Variants in PRDM6 observed in about 807,000 individuals in gnomAD.
PRDM6 encodes putative histone-lysine N-methyltransferase PRDM6.
A neutral mutation model predicts 60.8 loss-of-function variants in PRDM6; 25 were observed. The observed-to-expected ratio is 0.41, with a 90% CI of 0.30 to 0.57. The LOEUF is 0.57. PRDM6 is among the 20% of genes least tolerant of loss of function. The pLI is 0.27. For synonymous variants in PRDM6, 407 were observed against 357.4 expected, an observed-to-expected ratio of 1.14 and a Z score of -1.57; for missense variants, 839 against 821.3, an observed-to-expected ratio of 1.02 and a Z score of -0.26.
chr5:123,176,796 C>T (rs947781529), intron 6 of PRDM6, among the ~76,000 whole-genome samples: 1 of 152,192 alleles, frequency 6.6e-6, no homozygotes, highest in African/African-American at 2.4e-5. Context: ...AAACTCAGCA[C>T]TCAAGAATGT....
In PRDM6 at chr5:123,153,932, G is replaced by A. The variant is rs183460129; in HGVS notation, c.901-1952G>A. 2.2e-3 allele frequency among the ~76,000 whole-genome samples: 335 copies of A among 152,186 alleles called. 1 individual carries two copies. Among genetic ancestry groups the A allele is most frequent in the African/African-American group, 5.8e-3 (240 of 41,516 alleles). ...AATAATTTTCACCAGCAGTCCCTGTGGAAGGTTTATTCTTGAGGGAAGGGA... is the reference window on the plus strand; with the variant it reads ...AATAATTTTCACCAGCAGTCCCTGTAGAAGGTTTATTCTTGAGGGAAGGGA... On this transcript the variant is annotated intron_variant, in intron 3 of 7. Transcript: ENST00000407847.
At chr5:123,149,393 T>A (rs1256399500) in intron 3 of PRDM6, among the ~76,000 whole-genome samples, 1 of 152,172 alleles carries the variant, frequency 6.6e-6, no homozygotes, top group African/African-American at 2.4e-5. Flanking sequence ...AATATGGCAC[T>A]GTAAGTTGGG....
In PRDM6 at chr5:123,090,495, C is replaced by T. The variant is rs1173406341; in HGVS notation, c.481C>T (p.Arg161Cys). 27 of 1,488,956 alleles carry T rather than the reference C, an allele frequency of 1.8e-5. No homozygotes were observed. The highest frequency in any genetic ancestry group is 2.4e-5 in the Non-Finnish European group (27 of 1,128,176). The allele number at this position is 1,488,956 out of a possible 1,614,324, so 92.2% of individuals were successfully genotyped here. The part of the protein sequence containing the change: ...GGGGGGGGEG[R>C]GAPRFRCSAE... Reference sequence around the variant, plus strand: ...TGGTGGCGGCGGCGGCGGGGAGGGTCGCGGCGCCCCGCGCTTCCGCTGCAG... The same window carrying T: ...TGGTGGCGGCGGCGGCGGGGAGGGTTGCGGCGCCCCGCGCTTCCGCTGCAG... Residue 161 changes from arginine (R) to cysteine (C), a missense_variant, in exon 2 of 8, where the codon CGC (arginine) becomes TGC (cysteine). This residue lies in a region of PRDM6 where 730 missense variants were observed against 648.8 expected (regional missense o/e 1.13). Coordinates refer to ENST00000407847, the MANE Select transcript of PRDM6 (RefSeq NM_001136239.4).
At chr5:123,133,306 C>G (rs1039500851) in intron 3 of PRDM6, among the ~76,000 whole-genome samples, 10 of 152,042 alleles carry the variant, frequency 6.6e-5, no homozygotes, top group Non-Finnish European at 1.2e-4. Context: ...CCTATGCAAA[C>G]ACGTATGTTT....
Position 123,137,768 on chromosome 5 carries a change from T to C in PRDM6, c.901-18116T>C, listed in dbSNP as rs1764997684. Among the ~76,000 whole-genome samples the C allele has an allele frequency of 2.1e-5, 3 of 143,044 alleles. No individual in the cohort carries two copies. In the Admixed American group the frequency reaches 2.1e-4, roughly 10 times the overall value. The allele number at this position is 143,044 out of a possible 152,430, so 93.8% of individuals were successfully genotyped here. A position where few individuals can be genotyped will look rare whatever the true frequency, so the allele number is the denominator to read the frequency against. ...CAGACCTGCACGTTCTGCATATGTA[T>C]CTCAGAATTTAAAGTATAATAAAAA... On this transcript the variant is annotated intron_variant, in intron 3 of 7. Coordinates refer to ENST00000407847, the MANE Select transcript of PRDM6 (RefSeq NM_001136239.4).
intron 5 of PRDM6, among the ~76,000 whole-genome samples, chr5:123,170,014 T>C (rs532877689): frequency 6.6e-6 from 1 of 152,312 alleles, no homozygotes; most frequent in African/African-American, 2.4e-5. Flanking sequence ...TGAACACTGG[T>C]TCTATTTTTC....
chr5:123,181,582 G>T (rs1031362274), intron 7 of PRDM6, among the ~76,000 whole-genome samples: 34 of 152,152 alleles, frequency 2.2e-4, no homozygotes, highest in African/African-American at 7.7e-4. Context: ...TCACTCATTT[G>T]CTCTACTGGC....
At chr5:123,119,184 GA>G (rs993522490) in intron 3 of PRDM6, among the ~76,000 whole-genome samples, 1 of 151,338 alleles carries the variant, frequency 6.6e-6, no homozygotes, top group East Asian at 1.9e-4. Context: ...AAACAAACAA[GA>G]AAAAAACTAG....
intron 3 of PRDM6, among the ~76,000 whole-genome samples, chr5:123,134,852 CCT>C: frequency 6.6e-6 from 1 of 152,132 alleles, no homozygotes; most frequent in Non-Finnish European, 1.5e-5. Flanking sequence ...TAGAATGTTA[CCT>C]AAGACATCAG....
intron 3 of PRDM6, among the ~76,000 whole-genome samples, chr5:123,103,473 A>G (rs1384181410): frequency 2.0e-5 from 3 of 152,088 alleles, no homozygotes; most frequent in Non-Finnish European, 4.4e-5. Flanking sequence ...ATGAAATAAA[A>G]TCTTTCTCAA....
chr5:123,106,843 G>C (rs1764207712), intron 3 of PRDM6, among the ~76,000 whole-genome samples: 1 of 152,204 alleles, frequency 6.6e-6, no homozygotes, highest in Admixed American at 6.5e-5. Flanking sequence ...CAATTTCCTT[G>C]ATTATTGCAA....
chr5:123,134,887 C>T (rs940510193), intron 3 of PRDM6, among the ~76,000 whole-genome samples: 1 of 152,092 alleles, frequency 6.6e-6, no homozygotes, highest in Non-Finnish European at 1.5e-5. Flanking sequence ...CTAATCACAT[C>T]GCAATGCAGG....
intron 3 of PRDM6, among the ~76,000 whole-genome samples, chr5:123,126,545 C>T (rs1580499476): frequency 6.6e-6 from 1 of 152,206 alleles, no homozygotes; most frequent in African/African-American, 2.4e-5. Flanking sequence ...CAGCCACCAC[C>T]ATACATACCT....
At chr5:123,166,882 TC>T (rs1765764719) in intron 5 of PRDM6, among the ~76,000 whole-genome samples, 1 of 152,230 alleles carries the variant, frequency 6.6e-6, no homozygotes, top group Admixed American at 6.5e-5. Context: ...TTTTTGCGTT[TC>T]CAGACTGAAG....
chr5:123,159,644 A>C lies in PRDM6; in HGVS notation c.1153+6A>C, dbSNP rs765317385. ...CATTGCCCAGGATGAAAACTGTAAG[A>C]ATTTATTTTAGCTCTGAATTCACAT... On this transcript the variant is annotated splice_donor_region_variant and intron_variant, in intron 5 of 7. Coordinates refer to ENST00000407847, the MANE Select transcript of PRDM6 (RefSeq NM_001136239.4). The C allele has an allele frequency of 7.7e-6, 12 of 1,550,372 alleles. No homozygotes were observed. In the South Asian group the frequency reaches 1.3e-4, roughly 17 times the overall value.
intron 3 of PRDM6, among the ~76,000 whole-genome samples, chr5:123,130,773 G>A (rs1764814713): frequency 6.6e-6 from 1 of 152,128 alleles, no homozygotes. Flanking sequence ...CTCCATGTTT[G>A]TCAGGCTGGT....
At position 123,089,357 on chromosome 5, in the gene PRDM6, A is replaced by C. The variant is rs80146384; in HGVS notation, c.-178A>C. 2 of 151,614 alleles carry C rather than the reference A, an allele frequency of 1.3e-5. No individual in the cohort carries two copies. Among genetic ancestry groups the C allele is most frequent in the African/African-American group, 4.9e-5 (2 of 41,004 alleles). 9.4% of individuals were successfully genotyped at this position (151,614 alleles called of 1,614,324 possible). On this transcript the variant is annotated 5_prime_UTR_variant, in exon 1 of 8. Transcript: ENST00000407847. Reference sequence around the variant, plus strand: ...TCTCGCGCCCTCCGCGGGCCTCCCAATTTTCTCGCTTGCAGGTCGGGAGGT... The same window carrying C: ...TCTCGCGCCCTCCGCGGGCCTCCCACTTTTCTCGCTTGCAGGTCGGGAGGT...
intron 3 of PRDM6, among the ~76,000 whole-genome samples, chr5:123,113,370 G>A (rs963228625): frequency 1.3e-5 from 2 of 152,114 alleles, no homozygotes; most frequent in Non-Finnish European, 2.9e-5. Context: ...TTGCAATAAC[G>A]AGAGCTAACA....
intron 5 of PRDM6, among the ~76,000 whole-genome samples, chr5:123,161,204 G>A (rs1053114246): frequency 2.0e-5 from 3 of 152,196 alleles, no homozygotes; most frequent in Non-Finnish European, 4.4e-5. Context: ...GATGTCTAGA[G>A]TAAACAACAT....
Sources: allele counts gnomAD v4.1 joint callset (sites outside exome capture counted in the v4.1 genomes callset), GRCh38; gene constraint gnomAD v4.1.1; regional missense constraint gnomAD v4.1.1; transcripts MANE v1.5; gene names NCBI Gene and HGNC (gene_info 2026-07-23, HGNC 2026-07-21).